The following PNPLA5 variants were observed in gnomAD, a reference collection of about 807,000 sequenced individuals.
The protein encoded by PNPLA5 is patatin-like phospholipase domain-containing protein 5.
A neutral mutation model predicts 49.1 loss-of-function variants in PNPLA5; 44 were observed. That is an observed-to-expected ratio of 0.90 (90% confidence interval 0.70 to 1.15). PNPLA5 has a LOEUF of 1.15. PNPLA5 is among the 50% of genes most tolerant of loss of function. The pLI is 0.00. For missense variants in PNPLA5, 603 were observed against 564.0 expected, an observed-to-expected ratio of 1.07 and a Z score of -0.70; for synonymous variants, 243 against 244.4, an observed-to-expected ratio of 0.99 and a Z score of 0.06.
rs1429987523 is a variant in PNPLA5, at chr22:43,887,319, GCCT to G, written c.763+269_763+271del. Among the ~76,000 whole-genome samples the G allele has an allele frequency of 5.9e-3, 898 of 152,224 alleles. 17 individuals carry two copies. Among genetic ancestry groups the G allele is most frequent in the African/African-American group, 0.021 (853 of 41,528 alleles). ...CCAATGCCTCCTCTGGACTCCCACA[GCCT>G]TGAGCATCCCTCTGTCACTACACCC... On this transcript the variant is annotated intron_variant, in intron 5 of 8. Transcript: ENST00000216177.
rs148896213 is a variant in PNPLA5 at position 43,884,304 on chromosome 22, G to T, written c.991C>A (p.Arg331Ser). ...TGTCCAGGCCCCGAGTGCCAGAAGC[G>T]GGCCCACCGGCTGGGATCCCTCGTA... Reference protein sequence around the residue: ...ACTRDPSRWARFWHSGPGQVL... With the variant: ...ACTRDPSRWASFWHSGPGQVL... The change falls in exon 7 of 9, where the codon CGC (arginine) becomes AGC (serine). Residue 331 changes from arginine to serine, a missense_variant. By Grantham distance (110) the Arg-to-Ser change is moderately radical. Transcript: ENST00000216177. The T allele has an allele frequency of 1.3e-6, 2 of 1,599,088 alleles. No homozygotes were observed.
At chr22:43,886,879 C>A (rs1224000095) in intron 5 of PNPLA5, among the ~76,000 whole-genome samples, 2 of 152,304 alleles carry the variant, frequency 1.3e-5, no homozygotes, top group Non-Finnish European at 2.9e-5. Context: ...CACGTCTGGG[C>A]ACATATTAAG....
At position 43,887,371 on chromosome 22, in the gene PNPLA5, G is replaced by C. The variant is rs545970304; in HGVS notation, c.763+220C>G. ...CCATCTCCCTGGGTTGTCTCTCTCT[G>C]AGTCTGTCCCCCTGTACCAGGCTGC... On this transcript the variant is annotated intron_variant, in intron 5 of 8. Transcript: ENST00000216177. Among the ~76,000 whole-genome samples the C allele has an allele frequency of 2.6e-5, 4 of 152,258 alleles. No homozygotes were observed. The East Asian group carries it at 7.7e-4, about 29-fold the overall frequency.
chr22:43,889,916 A>G, intron 2 of PNPLA5, 52 bp from the exon 3 acceptor site: 1 of 1,598,936 alleles, frequency 6.3e-7, no homozygotes. Context: ...TCTTGCATTC[A>G]GAACCTTCCT....
rs116187348 is a variant in PNPLA5 at position 43,880,908 on chromosome 22, G to A, written c.1200-23C>T. The A allele has an allele frequency of 9.5e-4, 1,257 of 1,317,148 alleles. 10 individuals are homozygous for A. In the African/African-American group the frequency reaches 0.017, roughly 17 times the overall value. The allele number at this position is 1,317,148 out of a possible 1,614,324, so 81.6% of individuals were successfully genotyped here. ...GGGCTGTGGAGGGAGGAGAAGCCAC[G>A]GGTAAATGCCTGGGGCTCGGGAAGG... On this transcript the variant is annotated intron_variant, in intron 8 of 8. Transcript: ENST00000216177.
Position 43,889,479 on chromosome 22 carries a change from G to A in PNPLA5, c.552C>T (p.Ile184=). ...CTGTCCCATGGAAGGGCGACACCGT[G>A]ATGGTGGAGGGGCAGTCTGCAAAGG... The part of the protein sequence containing the change: ...NLPFADCPST[I]TVSPFHGTVD... The change falls in exon 4 of 9, where the codon ATC becomes ATT. Residue 184 remains isoleucine (I), a synonymous_variant. Transcript: ENST00000216177. 3 of 1,614,088 alleles carry A rather than the reference G, an allele frequency of 1.9e-6. No homozygotes were observed. Among genetic ancestry groups the A allele is most frequent in the Non-Finnish European group, 2.5e-6 (3 of 1,179,992 alleles).
intron 7 of PNPLA5, among the ~76,000 whole-genome samples, chr22:43,881,972 T>C (rs1176239319): frequency 6.6e-6 from 1 of 152,094 alleles, no homozygotes; most frequent in Non-Finnish European, 1.5e-5. Flanking sequence ...GGGTGGACCT[T>C]TGGGGTCAGG....
In PNPLA5 at chr22:43,880,850, A is replaced by G; in HGVS notation, c.1235T>C (p.Leu412Pro). ...TCTATGAGGAGCTATCTGGGGTTGG[A>G]GGGGGCTTGTTTCCAGGACGCGAGT... ...PATRVLETSP[L>P]QPQIAPHREE... Residue 412 changes from leucine to proline, a missense_variant, in exon 9 of 9, where the codon CTC becomes CCC. Physicochemically the swap from Leu to Pro is moderately conservative, Grantham distance 98 (BLOSUM62 -3). Coordinates refer to ENST00000216177, the MANE Select transcript of PNPLA5 (RefSeq NM_138814.4). 7.5e-7 allele frequency: 1 copy of G among 1,338,532 alleles called. No homozygotes were observed. The highest frequency in any genetic ancestry group is 2.1e-4 in the Middle Eastern group (1 of 4,772). The allele number at this position is 1,338,532 out of a possible 1,614,324, so 82.9% of individuals were successfully genotyped here.
At position 43,886,428 on chromosome 22, in the gene PNPLA5, T is replaced by C; in HGVS notation, c.824A>G (p.Asp275Gly). The change falls in exon 6 of 9, where the codon GAC (aspartate) becomes GGC (glycine). Residue 275 changes from aspartate (D) to glycine (G), a missense_variant. By Grantham distance (94) the Asp-to-Gly change is moderately conservative. Transcript: ENST00000216177. ...LVSKEPPAPADGNWDAGCDQR... is the reference protein window; with the variant it reads ...LVSKEPPAPAGGNWDAGCDQR... ...GTCACAGCCAGCATCCCAGTTTCCG[T>C]CAGCCGGGGCTGGGGGTTCCTTAGA... 1 of 1,614,116 alleles carries C rather than the reference T, an allele frequency of 6.2e-7. No individual in the cohort carries two copies. The highest frequency in any genetic ancestry group is 8.5e-7 in the Non-Finnish European group (1 of 1,180,010).
chr22:43,884,101 C>A (rs929048568), intron 7 of PNPLA5, 112 bp downstream of exon 7: 9 of 848,330 alleles, frequency 1.1e-5, no homozygotes, highest in Non-Finnish European at 1.6e-5. Context: ...CAGCCGGGCT[C>A]CCCCCACCCC....
intron 5 of PNPLA5, 136 bp from the exon 6 acceptor site, chr22:43,886,624 G>A (rs2049667833): frequency 2.8e-6 from 4 of 1,426,172 alleles, no homozygotes; most frequent in South Asian, 3.3e-5. Context: ...AGCTTATTCC[G>A]GATGACTCCC....
Position 43,884,315 on chromosome 22 carries a change from C to T in PNPLA5, c.980G>A (p.Ser327Asn). 1 of 1,596,518 alleles carries T rather than the reference C, an allele frequency of 6.3e-7. No homozygotes were observed. Residue 327 changes from serine (S) to asparagine (N), a missense_variant, in exon 7 of 9, where the codon AGC (serine) becomes AAC (asparagine). By Grantham distance (46) the Ser-to-Asn change is conservative (BLOSUM62 1). Coordinates refer to ENST00000216177, the MANE Select transcript of PNPLA5 (RefSeq NM_138814.4). ...ALKKACTRDP[S>N]RWARFWHSGP... ...CGAGTGCCAGAAGCGGGCCCACCGG[C>T]TGGGATCCCTCGTACATGCTTTCTT... is the stretch of plus-strand genomic sequence containing the variant.
At chr22:43,881,715 G>C (rs927703786) in intron 7 of PNPLA5, 41 bp from the exon 8 acceptor site, 12 of 1,600,788 alleles carry the variant, frequency 7.5e-6, no homozygotes, top group Non-Finnish European at 1.0e-5. Context: ...GGTGAGCCTG[G>C]GGTGTGGCCC....
At position 43,884,208 on chromosome 22, in the gene PNPLA5, C is replaced by T. The variant is rs1473686135; in HGVS notation, c.1082+5G>A. 6.5e-7 allele frequency: 1 copy of T among 1,546,208 alleles called. No homozygotes were observed. Among genetic ancestry groups the T allele is most frequent in the Non-Finnish European group, 8.7e-7 (1 of 1,143,476 alleles). ...CCCTTCCCAGGCCCCCTGGCCGAGC[C>T]TTACCTTCTGCTGCGGAAGTAGATG... On this transcript the variant is annotated splice_donor_5th_base_variant and intron_variant, in intron 7 of 8. Transcript: ENST00000216177.
chr22:43,887,892 T>C (rs140412559), intron 4 of PNPLA5, among the ~76,000 whole-genome samples: 1,739 of 152,292 alleles, frequency 0.011, 24 homozygotes, highest in Non-Finnish European at 0.014. Flanking sequence ...TGCAGGACCA[T>C]TGCATCTCCC....
chr22:43,891,465 C>T, intron 1 of PNPLA5, 171 bp from the exon 2 acceptor site: 1 of 949,928 alleles, frequency 1.1e-6, no homozygotes, highest in Non-Finnish European at 1.3e-6. Flanking sequence ...TCACTTTTTG[C>T]CCCGCCGACC....
At chr22:43,884,982 C>T (rs1217978729) in intron 6 of PNPLA5, among the ~76,000 whole-genome samples, 1 of 152,242 alleles carries the variant, frequency 6.6e-6, no homozygotes, top group Non-Finnish European at 1.5e-5. Flanking sequence ...GGCCAGAGAC[C>T]CTGCTCCACA....
chr22:43,891,038 C>T (rs1239638886), intron 2 of PNPLA5, 24 bp downstream of exon 2: 1 of 1,593,418 alleles, frequency 6.3e-7, no homozygotes, highest in Admixed American at 1.8e-5. Context: ...ACCAGCCAAG[C>T]CCTGGGCACC....
chr22:43,889,596 G>A, intron 3 of PNPLA5, 58 bp from the exon 4 acceptor site: 1 of 1,550,096 alleles, frequency 6.5e-7, no homozygotes, highest in East Asian at 2.3e-5. Flanking sequence ...CTCCCACACT[G>A]GCTGCAGCCG....
Sources: gnomAD v4.1 joint callset for allele counts (sites outside exome capture counted in the v4.1 genomes callset) on GRCh38, gnomAD v4.1.1 for gene constraint, MANE v1.5 for transcripts, NCBI Gene and HGNC (gene_info 2026-07-23, HGNC 2026-07-21) for gene names.